TENM4: variants seen among roughly 807,000 people sequenced by gnomAD.
TENM4 encodes the protein teneurin-4.
A neutral mutation model predicts 243.3 loss-of-function variants in TENM4; 82 were observed. The ratio of observed to expected loss-of-function variants is 0.34; its 90% CI spans 0.28 to 0.40. TENM4 has a LOEUF of 0.40. Among genes scored for constraint, TENM4 ranks in the 10% least tolerant of loss-of-function variants. The pLI is 1.00. For missense variants in TENM4, 3,138 were observed against 3,673.3 expected (o/e 0.85, Z 3.77); for synonymous variants, 1,412 against 1,456.3 (o/e 0.97, Z 0.69).
chr11:79,392,652 G>A (rs1282183684), intron 1 of TENM4, among the ~76,000 whole-genome samples: 1 of 152,212 alleles, frequency 6.6e-6, no homozygotes, highest in Non-Finnish European at 1.5e-5. Context: ...GGGATAAATA[G>A]GTCCTGGGAA....
intron 4 of TENM4, among the ~76,000 whole-genome samples, chr11:79,083,152 C>T (rs1860719344): frequency 6.6e-6 from 1 of 152,152 alleles, no homozygotes; most frequent in Non-Finnish European, 1.5e-5. Context: ...TTCTCCAGGG[C>T]AGTCTGAATG....
At chr11:79,376,518 G>A (rs780244893) in intron 1 of TENM4, among the ~76,000 whole-genome samples, 1 of 152,186 alleles carries the variant, frequency 6.6e-6, no homozygotes, top group Non-Finnish European at 1.5e-5. Flanking sequence ...CTTCTTGATA[G>A]CACATTTCTC....
intron 4 of TENM4, among the ~76,000 whole-genome samples, chr11:79,139,900 G>A (rs1424256940): frequency 1.4e-5 from 2 of 147,144 alleles, no homozygotes; most frequent in Non-Finnish European, 3.0e-5. Flanking sequence ...GAGTAATACA[G>A]ATGGCATAAG....
chr11:78,912,855 T>A (rs1221842708), intron 6 of TENM4, among the ~76,000 whole-genome samples: 1 of 152,244 alleles, frequency 6.6e-6, no homozygotes, highest in Non-Finnish European at 1.5e-5. Flanking sequence ...ATAATTTGAC[T>A]GGGCCACCAT....
At position 79,189,615 on chromosome 11, in the gene TENM4, C is replaced by T. The variant is rs1202142996; in HGVS notation, c.-163+26193G>A. Among the ~76,000 whole-genome samples, 5 of 152,284 alleles carry T rather than the reference C, an allele frequency of 3.3e-5. No individual in the cohort carries two copies. In the South Asian group the frequency reaches 8.3e-4, roughly 25 times the overall value. Reference sequence around the variant, plus strand: ...TACTCTCTCTCCTAGAACGAGAGCCCCTTGAAGTCCAAAGCTAGGTCTTAA... The same window carrying T: ...TACTCTCTCTCCTAGAACGAGAGCCTCTTGAAGTCCAAAGCTAGGTCTTAA... On this transcript the variant is annotated intron_variant, in intron 3 of 33. Transcript: ENST00000278550.
intron 2 of TENM4, among the ~76,000 whole-genome samples, chr11:79,263,440 T>C (rs1434776746): frequency 6.6e-6 from 1 of 152,214 alleles, no homozygotes; most frequent in Non-Finnish European, 1.5e-5. Flanking sequence ...ACAATTCAAA[T>C]GAGTTTCTTT....
chr11:79,220,034 A>T (rs1864127921), intron 2 of TENM4, among the ~76,000 whole-genome samples: 1 of 152,202 alleles, frequency 6.6e-6, no homozygotes, highest in South Asian at 2.1e-4. Flanking sequence ...GGAGCAGTGG[A>T]TACAGAAACC....
In TENM4 at chr11:78,904,747, T is replaced by C. The variant is rs975074812; in HGVS notation, c.494-1224A>G. Among the ~76,000 whole-genome samples, 3 of 152,196 alleles carry C rather than the reference T, an allele frequency of 2.0e-5. No homozygotes were observed. In the East Asian group the frequency reaches 5.8e-4, roughly 29 times the overall value. ...CCAGGTATCATCACCAATTTATAGA[T>C]GAAAAACGTAGACTTGGAGCAGGTA... On this transcript the variant is annotated intron_variant, in intron 6 of 33. Coordinates refer to ENST00000278550, the MANE Select transcript of TENM4 (RefSeq NM_001098816.3).
At chr11:78,828,083 T>C (rs1479965558) in intron 12 of TENM4, among the ~76,000 whole-genome samples, 2 of 152,206 alleles carry the variant, frequency 1.3e-5, no homozygotes, top group East Asian at 1.9e-4. Context: ...AAATATCAAA[T>C]GACAAAGTGC....
At chr11:79,170,558 A>C (rs1337712342) in intron 3 of TENM4, among the ~76,000 whole-genome samples, 2 of 152,160 alleles carry the variant, frequency 1.3e-5, no homozygotes, top group Non-Finnish European at 2.9e-5. Flanking sequence ...TAAGCAGTGG[A>C]AATAGTGACA....
chr11:78,918,444 T>G (rs12291716), intron 6 of TENM4, among the ~76,000 whole-genome samples: 4,617 of 143,866 alleles, frequency 0.032, 255 homozygotes, highest in African/African-American at 0.13. Flanking sequence ...TAGAATCTAC[T>G]TATGTTAAAA....
chr11:79,024,188 G>T (rs1859012639), intron 6 of TENM4, among the ~76,000 whole-genome samples: 1 of 152,188 alleles, frequency 6.6e-6, no homozygotes, highest in African/African-American at 2.4e-5. Flanking sequence ...ACCTGGCCCA[G>T]TTCCACCACT....
intron 16 of TENM4, among the ~76,000 whole-genome samples, chr11:78,783,233 T>C (rs1462700988): frequency 6.6e-6 from 1 of 152,196 alleles, no homozygotes; most frequent in Non-Finnish European, 1.5e-5. Context: ...AGCACCAGAC[T>C]TCATGGATCC....
At chr11:78,739,958 C>A (rs1475527972) in intron 19 of TENM4, among the ~76,000 whole-genome samples, 2 of 152,216 alleles carry the variant, frequency 1.3e-5, no homozygotes, top group African/African-American at 4.8e-5. Context: ...TAACCAGTCA[C>A]TTGCCACTGG....
chr11:79,246,692 GA>G (rs899536465), intron 2 of TENM4, among the ~76,000 whole-genome samples: 4 of 152,144 alleles, frequency 2.6e-5, no homozygotes, highest in African/African-American at 9.7e-5. Context: ...CTATTTGTAT[GA>G]AAAATGAAAA....
At chr11:79,050,362 C>T (rs1859763296) in intron 6 of TENM4, among the ~76,000 whole-genome samples, 2 of 152,282 alleles carry the variant, frequency 1.3e-5, no homozygotes, top group Non-Finnish European at 2.9e-5. Context: ...AGGGCAAATC[C>T]TTTGGGCTTA....
At chr11:79,397,521 A>G (rs2135550388) in intron 1 of TENM4, among the ~76,000 whole-genome samples, 1 of 152,314 alleles carries the variant, frequency 6.6e-6, no homozygotes, top group East Asian at 1.9e-4. Flanking sequence ...TTAACTGGCT[A>G]TCTCCAAATT....
At chr11:79,021,396 C>A (rs1858922226) in intron 6 of TENM4, among the ~76,000 whole-genome samples, 1 of 152,148 alleles carries the variant, frequency 6.6e-6, no homozygotes. Context: ...ATGCAAGTAG[C>A]ATCTGAGAGT....
intron 4 of TENM4, among the ~76,000 whole-genome samples, chr11:79,129,839 GT>G (rs1026553626): frequency 5.9e-5 from 9 of 152,136 alleles, no homozygotes; most frequent in Non-Finnish European, 8.8e-5. Context: ...AATCGTGGGA[GT>G]TCTAGAGCCC....
Sources: gnomAD v4.1 joint callset for allele counts (sites outside exome capture counted in the v4.1 genomes callset) on GRCh38, gnomAD v4.1.1 for gene constraint, MANE v1.5 for transcripts, NCBI Gene and HGNC (gene_info 2026-07-23, HGNC 2026-07-21) for gene names.